Variants in STAU2 observed in about 807,000 individuals in gnomAD.
STAU2 encodes the protein staufen double-stranded RNA binding protein 2.
In STAU2, 20 loss-of-function variants were observed where a neutral mutation model predicts 65.9. That is an observed-to-expected ratio of 0.30 (90% CI 0.21 to 0.44). The LOEUF is 0.44. STAU2 is among the 20% of genes least tolerant of loss of function. The probability of loss-of-function intolerance (pLI) is 1.00; values close to 1 mark genes in which losing one functional copy is unlikely to be tolerated. For missense variants in STAU2, 558 were observed against 683.9 expected (o/e 0.82, Z 2.05); for synonymous variants, 232 against 233.9 (o/e 0.99, Z 0.07).
chr8:73,563,939 T>A (rs1808413435), intron 12 of STAU2, among the ~76,000 whole-genome samples: 2 of 152,340 alleles, frequency 1.3e-5, no homozygotes, highest in East Asian at 3.9e-4. Flanking sequence ...TTTTTGAGAA[T>A]TCCAGAATCC....
chr8:73,629,642 T>C (rs1348527082), intron 6 of STAU2, among the ~76,000 whole-genome samples: 2 of 152,204 alleles, frequency 1.3e-5, no homozygotes, highest in Non-Finnish European at 2.9e-5. Flanking sequence ...ACAGTAATCA[T>C]TTAAGGGTCT....
intron 13 of STAU2, among the ~76,000 whole-genome samples, chr8:73,496,920 T>G (rs1821452239): frequency 6.6e-6 from 1 of 151,682 alleles, no homozygotes; most frequent in Non-Finnish European, 1.5e-5. Context: ...CTAATAGTCC[T>G]TTCAGTTTTA....
intron 12 of STAU2, among the ~76,000 whole-genome samples, chr8:73,561,932 C>T (rs1399214406): frequency 6.6e-6 from 1 of 152,154 alleles, no homozygotes; most frequent in East Asian, 1.9e-4. Flanking sequence ...AAAGTCACAG[C>T]CAGTAAGTGG....
chr8:73,552,182 T>C lies in STAU2; in HGVS notation c.1360A>G (p.Ile454Val), dbSNP rs780680960. ...MNQPSSSFFS[I>V]SPTSNSSATI... ...GCTGAACTATTCGATGTGGGAGATA[T>C]ACTGAAGAAAGAGCTTGAAGGTTGG... The change falls in exon 13 of 15, where the codon ATA becomes GTA. Residue 454 changes from isoleucine to valine, a missense_variant. This residue lies in a region of STAU2 where 247 missense variants were observed against 270.1 expected (regional missense o/e 0.91). Transcript: ENST00000524300. The C allele has an allele frequency of 3.7e-6, 6 of 1,613,888 alleles. No homozygotes were observed. Among genetic ancestry groups the C allele is most frequent in the South Asian group, 2.2e-5 (2 of 91,076 alleles).
At chr8:73,705,854 C>A (rs747667021) in intron 4 of STAU2, among the ~76,000 whole-genome samples, 4 of 152,122 alleles carry the variant, frequency 2.6e-5, no homozygotes, top group Non-Finnish European at 5.9e-5. Context: ...GAAGACAATT[C>A]CATACCATAC....
At chr8:73,734,760 C>G (rs1274033953) in intron 3 of STAU2, among the ~76,000 whole-genome samples, 1 of 151,722 alleles carries the variant, frequency 6.6e-6, no homozygotes, top group African/African-American at 2.4e-5. Flanking sequence ...TGCCACTGCA[C>G]TCCAGCATGG....
intron 13 of STAU2, among the ~76,000 whole-genome samples, chr8:73,512,019 C>T (rs2128924381): frequency 6.6e-6 from 1 of 151,964 alleles, no homozygotes; most frequent in African/African-American, 2.4e-5. Context: ...TTATTCTTTC[C>T]TGATTAAATT....
intron 13 of STAU2, chr8:73,511,175 T>G (rs1484200629): frequency 6.6e-6 from 1 of 152,670 alleles, no homozygotes; most frequent in Non-Finnish European, 1.5e-5. Flanking sequence ...AAACTAAACA[T>G]GCAGTGTTGT....
intron 13 of STAU2, among the ~76,000 whole-genome samples, chr8:73,457,396 T>C (rs920599145): frequency 3.9e-5 from 6 of 152,234 alleles, no homozygotes; most frequent in Non-Finnish European, 8.8e-5. Flanking sequence ...AGGGGCTGTG[T>C]GGCCTCCACA....
intron 13 of STAU2, among the ~76,000 whole-genome samples, chr8:73,495,612 G>A (rs1009159726): frequency 2.8e-5 from 4 of 143,600 alleles, no homozygotes; most frequent in African/African-American, 1.0e-4. Flanking sequence ...TTAACTATAT[G>A]GTCCCTTACT....
intron 13 of STAU2, among the ~76,000 whole-genome samples, chr8:73,523,196 C>CAAAAAAAAAAA (rs763732188): frequency 8.9e-5 from 7 of 78,622 alleles, no homozygotes; most frequent in Non-Finnish European, 1.5e-4. Context: ...ACTTTGTCTC[C>CAAAAAAAAAAA]AAAAAAAAAA....
At chr8:73,508,760 T>A (rs1215416131) in intron 13 of STAU2, among the ~76,000 whole-genome samples, 1 of 152,250 alleles carries the variant, frequency 6.6e-6, no homozygotes, top group Non-Finnish European at 1.5e-5. Flanking sequence ...TGTGGTCTCA[T>A]GTCTATTTTT....
At chr8:73,421,559 A>G (rs1816377482) in intron 14 of STAU2, 94 bp from the exon 15 acceptor site, 2 of 1,160,218 alleles carry the variant, frequency 1.7e-6, no homozygotes, top group East Asian at 5.1e-5. Flanking sequence ...TTCAAAGGTC[A>G]CCACAAAAGT....
intron 4 of STAU2, among the ~76,000 whole-genome samples, chr8:73,708,504 A>G (rs1468731823): frequency 6.6e-6 from 1 of 152,220 alleles, no homozygotes; most frequent in African/African-American, 2.4e-5. Context: ...TAAAAAAACA[A>G]TATAAGTGAA....
chr8:73,714,104 T>C (rs912525716), intron 3 of STAU2, among the ~76,000 whole-genome samples: 1 of 151,924 alleles, frequency 6.6e-6, no homozygotes, highest in Non-Finnish European at 1.5e-5. Context: ...GGTTTCTCCA[T>C]ATTGGTCACG....
At chr8:73,688,834 C>G (rs200581484) in intron 4 of STAU2, 21 bp from the exon 5 acceptor site, 46 of 1,605,754 alleles carry the variant, frequency 2.9e-5, no homozygotes, top group Non-Finnish European at 3.7e-5. Flanking sequence ...CATAAATAGA[C>G]AAAGAAAACA....
chr8:73,629,374 G>T (rs1348246047), intron 6 of STAU2, among the ~76,000 whole-genome samples: 1 of 152,110 alleles, frequency 6.6e-6, no homozygotes, highest in Non-Finnish European at 1.5e-5. Context: ...AAACATACAT[G>T]CCAAGGAATA....
intron 13 of STAU2, among the ~76,000 whole-genome samples, chr8:73,497,253 T>C (rs1321142985): frequency 6.6e-6 from 1 of 151,778 alleles, no homozygotes; most frequent in East Asian, 1.9e-4. Context: ...GATTTGGCTC[T>C]AATCTGAAGC....
Position 73,552,027 on chromosome 8 carries a change from C to A in STAU2, c.1515G>T (p.Arg505Ser). Residue 505 changes from arginine to serine, a missense_variant, in exon 13 of 15, where the codon AGG (arginine) becomes AGT (serine). Arg to Ser is a moderately radical substitution (Grantham distance 110). Transcript: ENST00000524300. ...TAATTCATACCTGAAAGCCTTGAAT[C>A]CTTGCTAAATATTCCAGTTGTTTTG... ...QPSKQLEYLA[R>S]IQGFQAALSA... 6.4e-7 allele frequency: 1 copy of A among 1,560,460 alleles called. No homozygotes were observed. Among genetic ancestry groups the A allele is most frequent in the Non-Finnish European group, 8.6e-7 (1 of 1,156,168 alleles).
Sources: allele counts gnomAD v4.1 joint callset (sites outside exome capture counted in the v4.1 genomes callset), GRCh38; gene constraint gnomAD v4.1.1; regional missense constraint gnomAD v4.1.1; transcripts MANE v1.5; gene names NCBI Gene and HGNC (gene_info 2026-07-23, HGNC 2026-07-21).